The following SP100 variants were observed in gnomAD, a reference collection of about 807,000 sequenced individuals.
SP100 encodes the protein nuclear autoantigen Sp-100.
A neutral mutation model predicts 130.0 loss-of-function variants in SP100; 84 were observed. That is an observed-to-expected ratio of 0.65 (90% CI 0.54 to 0.77). SP100 has a LOEUF of 0.77. Among genes scored for constraint, SP100 ranks in the 30% least tolerant of loss-of-function variants. The pLI is 0.00. For missense variants in SP100, 978 were observed against 1,052.2 expected (o/e 0.93, Z 0.97); for synonymous variants, 331 against 351.7 (o/e 0.94, Z 0.66).
chr2:230,445,966 G>A (rs992900075), intron 4 of SP100, among the ~76,000 whole-genome samples: 4 of 151,568 alleles, frequency 2.6e-5, no homozygotes, highest in Non-Finnish European at 2.9e-5. Context: ...GCTGACTCTC[G>A]GACCCTGAAG....
At chr2:230,466,380 G>A (rs759442836) in intron 12 of SP100, 26 bp downstream of exon 12, 5 of 1,271,710 alleles carry the variant, frequency 3.9e-6, no homozygotes, top group Non-Finnish European at 4.6e-6. Context: ...AGGAAAAGAG[G>A]TAAGAGAAAA....
Position 230,467,133 on chromosome 2 carries a change from C to T in SP100, c.1209C>T (p.Asp403=). ...TCCTTTCTGCAGTGATAGGACAAGA[C>T]CACGACTTTTCAGAATCCAGTGAGG... ...ESFKKRVIGQ[D]HDFSESSEEE... The change falls in exon 13 of 29, where the codon GAC becomes GAT. Residue 403 remains aspartate, a synonymous_variant. Coordinates refer to ENST00000340126, the MANE Select transcript of SP100 (RefSeq NM_001080391.2). 2 of 1,613,582 alleles carry T rather than the reference C, an allele frequency of 1.2e-6. No homozygotes were observed. The highest frequency in any genetic ancestry group is 1.7e-6 in the Non-Finnish European group (2 of 1,179,564).
intron 2 of SP100, among the ~76,000 whole-genome samples, chr2:230,438,957 A>G (rs1274950407): frequency 6.6e-6 from 1 of 152,168 alleles, no homozygotes; most frequent in Non-Finnish European, 1.5e-5. Context: ...GTAATAGTTT[A>G]CATTCCCACC....
At position 230,464,073 on chromosome 2, in the gene SP100, A is replaced by G. The variant is rs762505598; in HGVS notation, c.1064A>G (p.Asn355Ser). The G allele has an allele frequency of 8.1e-6, 13 of 1,610,674 alleles. No individual in the cohort carries two copies. The highest frequency in any genetic ancestry group is 6.6e-5 in the South Asian group (6 of 91,018). Residue 355 changes from asparagine to serine, a missense_variant, in exon 11 of 29, where the codon AAT (asparagine) becomes AGT (serine). Asn to Ser is a conservative substitution (Grantham distance 46). Transcript: ENST00000340126. Reference sequence around the variant, plus strand: ...ATCCCATTCTTTTGTGCAGTGATCAATAATGACAACCCTTTAGAATCAAAT... The same window carrying G: ...ATCCCATTCTTTTGTGCAGTGATCAGTAATGACAACCCTTTAGAATCAAAT... ...ISAPRSEPVINNDNPLESNDE... is the reference protein window; with the variant it reads ...ISAPRSEPVISNDNPLESNDE...
At chr2:230,511,353 G>T (rs1207090647) in intron 24 of SP100, among the ~76,000 whole-genome samples, 187 bp downstream of exon 24, 1 of 152,174 alleles carries the variant, frequency 6.6e-6, no homozygotes, top group Non-Finnish European at 1.5e-5. Context: ...GCAGCCTTTT[G>T]TTTCAGTAGA....
chr2:230,533,949 G>C (rs558503505), intron 24 of SP100, among the ~76,000 whole-genome samples: 3 of 152,000 alleles, frequency 2.0e-5, no homozygotes, highest in African/African-American at 7.2e-5. Context: ...GTGAAATTTG[G>C]TTTTCTCTTT....
At position 230,524,217 on chromosome 2, in the gene SP100, G is replaced by A. The variant is rs372005418; in HGVS notation, c.2094+13051G>A. Reference sequence around the variant, plus strand: ...AAAAAAAAAAGAAAATTAGCCAGGCGTGGTGGCAGTTGCCTGTAATCCCAG... The same window carrying A: ...AAAAAAAAAAGAAAATTAGCCAGGCATGGTGGCAGTTGCCTGTAATCCCAG... On this transcript the variant is annotated intron_variant, in intron 24 of 28. Transcript: ENST00000340126. Among the ~76,000 whole-genome samples the A allele has an allele frequency of 2.4e-4, 36 of 147,770 alleles. 1 individual carries two copies. In the East Asian group the frequency reaches 3.0e-3, roughly 12 times the overall value.
At chr2:230,527,488 C>A (rs1691485678) in intron 24 of SP100, among the ~76,000 whole-genome samples, 1 of 152,128 alleles carries the variant, frequency 6.6e-6, no homozygotes, top group Non-Finnish European at 1.5e-5. Context: ...ATGTTAAAGA[C>A]CATCGATGCT....
chr2:230,509,891 T>C (rs1487526340), intron 23 of SP100: 1 of 152,236 alleles, frequency 6.6e-6, no homozygotes, highest in Non-Finnish European at 1.5e-5. Flanking sequence ...AACAAACAAC[T>C]GTGGAGCCAC....
chr2:230,422,822 T>C (rs983278982), intron 2 of SP100, among the ~76,000 whole-genome samples: 1 of 152,212 alleles, frequency 6.6e-6, no homozygotes, highest in Non-Finnish European at 1.5e-5. Context: ...AACACCTACA[T>C]GGTCATGCCA....
Position 230,461,379 on chromosome 2 carries a change from C to G in SP100, c.938C>G (p.Ala313Gly), listed in dbSNP as rs143684378. The change falls in exon 9 of 29, where the codon GCA (alanine) becomes GGA (glycine). Residue 313 changes from alanine (A) to glycine (G), a missense_variant. Transcript: ENST00000340126. ...TCAAAAGTTGAGTGCCAAGCCCAAGCAAGAACTCATCATAACCAGGCATCT... is the reference window on the plus strand; with the variant it reads ...TCAAAAGTTGAGTGCCAAGCCCAAGGAAGAACTCATCATAACCAGGCATCT... Reference protein sequence around the residue: ...SNSKVECQAQARTHHNQASDI... With the variant: ...SNSKVECQAQGRTHHNQASDI... The G allele has an allele frequency of 6.2e-6, 10 of 1,614,122 alleles. No homozygotes were observed. Among genetic ancestry groups the G allele is most frequent in the Middle Eastern group, 1.7e-4 (1 of 6,060 alleles).
chr2:230,509,951 G>A (rs772686596), intron 23 of SP100: 4 of 152,500 alleles, frequency 2.6e-5, no homozygotes, highest in Non-Finnish European at 5.9e-5. Context: ...GCAAAACAAA[G>A]GAGGCCAAAA....
In SP100 at chr2:230,541,003, A is replaced by G. The variant is rs1244302172; in HGVS notation, c.2331+7A>G. The G allele has an allele frequency of 2.5e-6, 4 of 1,605,888 alleles. No homozygotes were observed. Among genetic ancestry groups the G allele is most frequent in the Non-Finnish European group, 3.4e-6 (4 of 1,174,088 alleles). On this transcript the variant is annotated splice_region_variant and intron_variant, in intron 26 of 28. Transcript: ENST00000340126. ...GCTGCCTGAGGAGCAGTTGGTGAGTAAAAATGTGAACCTGAAGCCTCTTCC... is the reference window on the plus strand; with the variant it reads ...GCTGCCTGAGGAGCAGTTGGTGAGTGAAAATGTGAACCTGAAGCCTCTTCC...
chr2:230,504,471 A>G (rs538076105), intron 21 of SP100, among the ~76,000 whole-genome samples, 181 bp downstream of exon 21: 116 of 152,314 alleles, frequency 7.6e-4, no homozygotes, highest in African/African-American at 2.7e-3. Flanking sequence ...TTATGAGAGA[A>G]GCATGCAAAA....
chr2:230,496,165 A>G (rs2066657746), intron 18 of SP100, among the ~76,000 whole-genome samples: 1 of 152,072 alleles, frequency 6.6e-6, no homozygotes, highest in South Asian at 2.1e-4. Flanking sequence ...TAACTATTTT[A>G]TTAAAATACT....
In SP100 at chr2:230,449,670, A is replaced by G. The variant is rs754442905; in HGVS notation, c.696A>G (p.Gln232=). ...ACAAAGATGATTCGCTAGGAAGCCA[A>G]CAAACAAATGAACAATGTGCTCAAA... The part of the protein sequence containing the change: ...TSDKDDSLGS[Q]QTNEQCAQKA... Residue 232 remains glutamine, a synonymous_variant, in exon 7 of 29, where the codon CAA becomes CAG. Coordinates refer to ENST00000340126, the MANE Select transcript of SP100 (RefSeq NM_001080391.2). 3.7e-6 allele frequency: 6 copies of G among 1,614,128 alleles called. No homozygotes were observed. The South Asian group carries it at 5.5e-5, about 15-fold the overall frequency.
At chr2:230,513,362 C>A (rs2150086875) in intron 24 of SP100, among the ~76,000 whole-genome samples, 1 of 152,254 alleles carries the variant, frequency 6.6e-6, no homozygotes, top group African/African-American at 2.4e-5. Context: ...GCATTAATCA[C>A]TGTGTCAACA....
rs775054356 is a variant in SP100 at position 230,544,157 on chromosome 2, G to T, written c.*1211G>T. The T allele has an allele frequency of 5.3e-5, 8 of 152,126 alleles. No individual in the cohort carries two copies. Among genetic ancestry groups the T allele is most frequent in the Non-Finnish European group, 1.2e-4 (8 of 68,030 alleles). The allele number at this position is 152,126 out of a possible 1,614,324, so 9.4% of individuals were successfully genotyped here. ...AAAAATCAACTCAAGATCAATTAAA[G>T]ACTTAATGTAAAATCAAAAACTATG... On this transcript the variant is annotated 3_prime_UTR_variant, in exon 29 of 29. Coordinates refer to ENST00000340126, the MANE Select transcript of SP100 (RefSeq NM_001080391.2).
At chr2:230,419,155 T>TA (rs1306989056) in intron 2 of SP100, among the ~76,000 whole-genome samples, 1 of 152,224 alleles carries the variant, frequency 6.6e-6, no homozygotes, top group Non-Finnish European at 1.5e-5. Context: ...ATGCCATTAT[T>TA]AACTAAAGTA....
Sources: allele counts gnomAD v4.1 joint callset (sites outside exome capture counted in the v4.1 genomes callset), GRCh38; gene constraint gnomAD v4.1.1; transcripts MANE v1.5; gene names NCBI Gene and HGNC (gene_info 2026-07-23, HGNC 2026-07-21).